The following ARK2N variants were observed in gnomAD, a reference collection of about 807,000 sequenced individuals.
ARK2N encodes protein ARK2N.
the ARK2N span, among the ~76,000 whole-genome samples, chr18:46,261,110 T>G: frequency 6.6e-6 from 1 of 152,224 alleles, no homozygotes; most frequent in Non-Finnish European, 1.5e-5. Context: ...TTTACTTCAA[T>G]TAGTGCTTAT....
chr18:46,207,120 C>T, the ARK2N span, among the ~76,000 whole-genome samples: 1 of 152,164 alleles, frequency 6.6e-6, no homozygotes, highest in Admixed American at 6.5e-5. Context: ...CCTTCTGACG[C>T]TACTCAGTAA....
the ARK2N span, chr18:46,218,324 CA>C: frequency 1.3e-5 from 2 of 152,150 alleles, no homozygotes; most frequent in Admixed American, 1.3e-4. Flanking sequence ...AACTGAACAC[CA>C]AAGTAAATTA....
chr18:46,173,823 G>A, the ARK2N span: 1 of 152,326 alleles, frequency 6.6e-6, no homozygotes, highest in Non-Finnish European at 1.5e-5. Flanking sequence ...TTTCGGGAAG[G>A]TGACGGTCTC....
chr18:46,254,418 T>G, the ARK2N span, among the ~76,000 whole-genome samples: 5 of 152,234 alleles, frequency 3.3e-5, no homozygotes, highest in African/African-American at 1.2e-4. Context: ...AAACATAATT[T>G]ATGAAGTTTG....
the ARK2N span, among the ~76,000 whole-genome samples, chr18:46,249,126 T>A: frequency 6.6e-6 from 1 of 152,288 alleles, no homozygotes; most frequent in Non-Finnish European, 1.5e-5. Flanking sequence ...CTGGAGAAAA[T>A]CACTTTGTCA....
the ARK2N span, among the ~76,000 whole-genome samples, chr18:46,261,533 C>T: frequency 6.6e-6 from 1 of 152,204 alleles, no homozygotes; most frequent in African/African-American, 2.4e-5. Context: ...GACATTTTTC[C>T]ATGACTACAT....
chr18:46,213,521 G>A, the ARK2N span, among the ~76,000 whole-genome samples: 267 of 152,040 alleles, frequency 1.8e-3, no homozygotes, highest in African/African-American at 6.2e-3. Context: ...AACGGTCTCC[G>A]TTGGTTTAAC....
chr18:46,184,379 C>G, the ARK2N span, among the ~76,000 whole-genome samples: 1 of 152,158 alleles, frequency 6.6e-6, no homozygotes, highest in Non-Finnish European at 1.5e-5. Flanking sequence ...GCCTCGGCCT[C>G]CCAAAGTGCT....
the ARK2N span, among the ~76,000 whole-genome samples, chr18:46,252,718 T>A: frequency 1.3e-5 from 2 of 152,362 alleles, no homozygotes; most frequent in Non-Finnish European, 2.9e-5. Flanking sequence ...CAACTCTGTT[T>A]ATTCTATGTT....
the ARK2N span, chr18:46,217,443 C>T: frequency 5.3e-5 from 8 of 152,254 alleles, no homozygotes; most frequent in Middle Eastern, 3.4e-3. Context: ...AACTGTATGG[C>T]ATTGAATAGG....
the ARK2N span, among the ~76,000 whole-genome samples, chr18:46,178,615 A>G: frequency 2.0e-5 from 3 of 152,194 alleles, no homozygotes; most frequent in Non-Finnish European, 2.9e-5. Flanking sequence ...TGGCCCTGAC[A>G]TAACTTTTTA....
chr18:46,173,790 T>C, the ARK2N span: 1 of 152,392 alleles, frequency 6.6e-6, no homozygotes, highest in Non-Finnish European at 1.5e-5. Flanking sequence ...ATTGAGTGGC[T>C]TTCCCACCCC....
the ARK2N span, among the ~76,000 whole-genome samples, chr18:46,200,247 C>A: frequency 6.6e-6 from 1 of 152,262 alleles, no homozygotes; most frequent in South Asian, 2.1e-4. Context: ...GTCATTTATA[C>A]TGAGTTCAGG....
the ARK2N span, among the ~76,000 whole-genome samples, chr18:46,194,466 GTT>G: frequency 7.3e-6 from 1 of 137,894 alleles, no homozygotes; most frequent in Non-Finnish European, 1.6e-5. Flanking sequence ...TCTTTTTTTT[GTT>G]TTTTTTTTTG....
chr18:46,260,755 A>T, the ARK2N span, among the ~76,000 whole-genome samples: 21 of 152,328 alleles, frequency 1.4e-4, no homozygotes, highest in African/African-American at 5.1e-4. Flanking sequence ...AACATGATGT[A>T]GTAACTTCAG....
the ARK2N span, among the ~76,000 whole-genome samples, chr18:46,252,878 G>A: frequency 1.3e-5 from 2 of 152,200 alleles, no homozygotes; most frequent in Admixed American, 1.3e-4. Context: ...GTTCTGTGAA[G>A]CTCATGTTTT....
At chr18:46,248,875 G>T in the ARK2N span, among the ~76,000 whole-genome samples, 2 of 152,138 alleles carry the variant, frequency 1.3e-5, no homozygotes, top group African/African-American at 2.4e-5. Flanking sequence ...GAGCCACTGC[G>T]CCTGGCCTCT....
the ARK2N span, among the ~76,000 whole-genome samples, chr18:46,241,537 C>T: frequency 1.3e-5 from 2 of 152,000 alleles, no homozygotes; most frequent in Non-Finnish European, 2.9e-5. Flanking sequence ...GCCTGATCAG[C>T]ATGGTGAAAC....
chr18:46,204,012 G>A, the ARK2N span, among the ~76,000 whole-genome samples: 6 of 152,112 alleles, frequency 3.9e-5, no homozygotes, highest in Admixed American at 3.9e-4. Flanking sequence ...TACGGGGAGG[G>A]AAGTGGGTAG....
Sources: gnomAD v4.1 joint callset for allele counts (sites outside exome capture counted in the v4.1 genomes callset) on GRCh38, gnomAD v4.1.1 for gene constraint, MANE v1.5 for transcripts, NCBI Gene and HGNC (gene_info 2026-07-23, HGNC 2026-07-21) for gene names.